The following INPP4B variants were observed in gnomAD, a reference collection of about 807,000 sequenced individuals.
INPP4B encodes the protein inositol polyphosphate-4-phosphatase type II B, also known as inositol polyphosphate 4-phosphatase type II.
Under a neutral mutation model 122.5 loss-of-function variants are expected in INPP4B, and 55 were observed. That is an observed-to-expected ratio of 0.45 (90% confidence interval 0.36 to 0.56). The LOEUF is 0.56. INPP4B is among the 20% of genes least tolerant of loss of function. INPP4B has a pLI of 0.00. For missense variants in INPP4B, 1,000 were observed against 1,097.7 expected, an observed-to-expected ratio of 0.91 and a Z score of 1.26; for synonymous variants, 403 against 388.7, an observed-to-expected ratio of 1.04 and a Z score of -0.43.
intron 2 of INPP4B, among the ~76,000 whole-genome samples, chr4:142,537,674 T>TA (rs1486527004): frequency 1.3e-5 from 2 of 151,376 alleles, no homozygotes; most frequent in Non-Finnish European, 2.9e-5. Flanking sequence ...CGGTGAGAGA[T>TA]AAAAAATTGG....
At chr4:142,834,728 T>G (rs964243722) in intron 1 of INPP4B, among the ~76,000 whole-genome samples, 8 of 152,184 alleles carry the variant, frequency 5.3e-5, no homozygotes, top group Admixed American at 2.0e-4. Context: ...TTCTGCAGTA[T>G]CTACATTGAT....
At chr4:142,491,488 T>C (rs963982958) in intron 2 of INPP4B, among the ~76,000 whole-genome samples, 4 of 152,020 alleles carry the variant, frequency 2.6e-5, no homozygotes, top group Non-Finnish European at 5.9e-5. Flanking sequence ...ATCCCGTCTC[T>C]ATTAAAAAGA....
chr4:142,069,371 G>A (rs1473875016), intron 25 of INPP4B, among the ~76,000 whole-genome samples: 1 of 152,176 alleles, frequency 6.6e-6, no homozygotes, highest in Non-Finnish European at 1.5e-5. Context: ...ATGCCCACAA[G>A]AGAAAGCAGG....
intron 25 of INPP4B, among the ~76,000 whole-genome samples, chr4:142,075,404 C>A (rs1770071791): frequency 1.3e-5 from 2 of 151,602 alleles, no homozygotes; most frequent in African/African-American, 2.4e-5. Flanking sequence ...CGGATATGCA[C>A]TAACCCCGAC....
At chr4:142,719,842 T>C (rs1764278909) in intron 2 of INPP4B, among the ~76,000 whole-genome samples, 2 of 152,108 alleles carry the variant, frequency 1.3e-5, no homozygotes, top group Admixed American at 6.6e-5. Flanking sequence ...AGTTTAGAAA[T>C]TATTAAGGAA....
chr4:142,823,157 G>A (rs1185928456), intron 1 of INPP4B, among the ~76,000 whole-genome samples: 1 of 152,108 alleles, frequency 6.6e-6, no homozygotes, highest in Non-Finnish European at 1.5e-5. Flanking sequence ...ACCCACAAGG[G>A]GCTAGGAAGT....
At chr4:142,764,626 G>A (rs781602629) in intron 1 of INPP4B, among the ~76,000 whole-genome samples, 1 of 152,070 alleles carries the variant, frequency 6.6e-6, no homozygotes, top group Non-Finnish European at 1.5e-5. Flanking sequence ...TTCCTCCAGA[G>A]ATATTTCTGA....
intron 16 of INPP4B, among the ~76,000 whole-genome samples, chr4:142,165,515 CAATACA>C (rs1232376948): frequency 6.6e-6 from 1 of 151,640 alleles, no homozygotes; most frequent in African/African-American, 2.4e-5. Context: ...CCTTGAACTA[CAATACA>C]AATACAAATA....
At chr4:142,630,068 C>T (rs1345890063) in intron 2 of INPP4B, among the ~76,000 whole-genome samples, 2 of 152,102 alleles carry the variant, frequency 1.3e-5, no homozygotes, top group Admixed American at 6.6e-5. Flanking sequence ...AGCTTCTTTT[C>T]TCCTTTCTGA....
intron 2 of INPP4B, among the ~76,000 whole-genome samples, chr4:142,553,500 A>G (rs180846246): frequency 6.6e-6 from 1 of 152,318 alleles, no homozygotes; most frequent in African/African-American, 2.4e-5. Context: ...TGACAAGCCA[A>G]AGGGCTAGAG....
intron 7 of INPP4B, among the ~76,000 whole-genome samples, chr4:142,365,997 A>G (rs939262983): frequency 1.3e-5 from 2 of 152,120 alleles, no homozygotes; most frequent in Admixed American, 6.6e-5. Flanking sequence ...TGACCTGCAC[A>G]TGTATGTCCA....
chr4:142,030,157 G>C (rs1436322231), intron 25 of INPP4B: 1 of 1,535,384 alleles, frequency 6.5e-7, no homozygotes, highest in African/African-American at 1.4e-5. Flanking sequence ...AGTAACGCCA[G>C]ACTTAAAATA....
chr4:142,054,449 G>T (rs1039776700), intron 25 of INPP4B, among the ~76,000 whole-genome samples: 1 of 152,028 alleles, frequency 6.6e-6, no homozygotes, highest in East Asian at 1.9e-4. Flanking sequence ...TCCTTATTGT[G>T]CTGCTTAGAA....
chr4:142,730,220 C>A (rs984951483), intron 1 of INPP4B, among the ~76,000 whole-genome samples: 1 of 152,152 alleles, frequency 6.6e-6, no homozygotes, highest in Non-Finnish European at 1.5e-5. Flanking sequence ...ACAAGGTGAT[C>A]TGGTTTATAA....
At chr4:142,720,805 C>CTATATATATATATATA (rs1486439869) in intron 2 of INPP4B, among the ~76,000 whole-genome samples, 2 of 15,884 alleles carry the variant, frequency 1.3e-4, no homozygotes, top group Non-Finnish European at 1.2e-4. Context: ...CTCTCTCTCT[C>CTATATATATATATATA]TCTCTATATA....
chr4:142,239,685 G>A (rs1858346154), intron 11 of INPP4B, among the ~76,000 whole-genome samples: 1 of 151,968 alleles, frequency 6.6e-6, no homozygotes, highest in Non-Finnish European at 1.5e-5. Flanking sequence ...AATTTATTAT[G>A]GTGTCCATAT....
intron 2 of INPP4B, among the ~76,000 whole-genome samples, chr4:142,551,618 T>G (rs1042898841): frequency 6.6e-6 from 1 of 152,216 alleles, no homozygotes; most frequent in Non-Finnish European, 1.5e-5. Context: ...TGTTTCTGTT[T>G]ATTTGTTTTT....
At position 142,112,621 on chromosome 4, in the gene INPP4B, T is replaced by C; in HGVS notation, c.2197A>G (p.Ile733Val). ...ACATGAAGCAACTGTCCTTCTTTAA[T>C]CTGTAGAGGTAGTGACTCAAACATT... ...ARMFESLPLQ[I>V]KEGQLLHVYP... Residue 733 changes from isoleucine (I) to valine (V), a missense_variant, in exon 22 of 26, where the codon ATT becomes GTT. By Grantham distance (29) the Ile-to-Val change is conservative. Transcript: ENST00000262992. 1 of 1,613,236 alleles carries C rather than the reference T, an allele frequency of 6.2e-7. No individual in the cohort carries two copies. Among genetic ancestry groups the C allele is most frequent in the Non-Finnish European group, 8.5e-7 (1 of 1,179,428 alleles).
chr4:142,444,831 A>G (rs1002948178), intron 3 of INPP4B, among the ~76,000 whole-genome samples: 5 of 152,180 alleles, frequency 3.3e-5, no homozygotes, highest in African/African-American at 1.2e-4. Context: ...TGCAGCCACA[A>G]AAAGAAAAAA....
Sources: allele counts gnomAD v4.1 joint callset (sites outside exome capture counted in the v4.1 genomes callset), GRCh38; gene constraint gnomAD v4.1.1; transcripts MANE v1.5; gene names NCBI Gene and HGNC (gene_info 2026-07-23, HGNC 2026-07-21).